CDH12: variants seen among roughly 807,000 people sequenced by gnomAD.
CDH12 encodes cadherin-12.
In CDH12, 41 loss-of-function variants were observed where a neutral mutation model predicts 74.1. The ratio of observed to expected loss-of-function variants is 0.55; its 90% CI spans 0.43 to 0.72. The LOEUF is 0.72. CDH12 is among the 30% of genes least tolerant of loss of function. The pLI, the probability that CDH12 is intolerant of heterozygous loss-of-function variation, is 0.00. For missense variants in CDH12, 945 were observed against 977.2 expected (o/e 0.97, Z 0.44); for synonymous variants, 399 against 355.0 (o/e 1.12, Z -1.39).
intron 4 of CDH12, among the ~76,000 whole-genome samples, chr5:22,177,165 T>C (rs971449839): frequency 1.3e-5 from 2 of 152,186 alleles, no homozygotes; most frequent in African/African-American, 4.8e-5. Context: ...CCTCAGTACT[T>C]AGCACGTTGC....
At chr5:22,150,846 T>C (rs1331406602) in intron 4 of CDH12, among the ~76,000 whole-genome samples, 6 of 152,158 alleles carry the variant, frequency 3.9e-5, no homozygotes, top group Non-Finnish European at 8.8e-5. Flanking sequence ...AGACCAGCTC[T>C]TAACAGGTCA....
chr5:22,397,412 G>A (rs1401791023), intron 3 of CDH12, among the ~76,000 whole-genome samples: 1 of 150,926 alleles, frequency 6.6e-6, no homozygotes, highest in African/African-American at 2.4e-5. Context: ...TTTAATTGGA[G>A]GTCATTGCAA....
chr5:22,100,197 TA>T (rs1193339019), intron 4 of CDH12, among the ~76,000 whole-genome samples: 1 of 152,130 alleles, frequency 6.6e-6, no homozygotes, highest in Non-Finnish European at 1.5e-5. Context: ...CTGTTTCAGA[TA>T]AAAAAATACT....
At chr5:22,462,779 G>T (rs1745573070) in intron 2 of CDH12, among the ~76,000 whole-genome samples, 1 of 152,156 alleles carries the variant, frequency 6.6e-6, no homozygotes, top group South Asian at 2.1e-4. Context: ...TCTAGTGAAA[G>T]TCAGAAAAAA....
At chr5:22,314,612 A>G (rs1324218960) in intron 3 of CDH12, among the ~76,000 whole-genome samples, 1 of 152,196 alleles carries the variant, frequency 6.6e-6, no homozygotes, top group Non-Finnish European at 1.5e-5. Flanking sequence ...GTGAATATAC[A>G]TGGTTTTAGA....
chr5:22,194,027 G>A (rs1445283025), intron 4 of CDH12, among the ~76,000 whole-genome samples: 2 of 152,138 alleles, frequency 1.3e-5, no homozygotes, highest in Non-Finnish European at 2.9e-5. Flanking sequence ...ATTTGGAAAT[G>A]AAAATGAGGC....
At chr5:22,535,873 G>A (rs2126711675) in intron 1 of CDH12, among the ~76,000 whole-genome samples, 1 of 152,250 alleles carries the variant, frequency 6.6e-6, no homozygotes, top group South Asian at 2.1e-4. Flanking sequence ...ACCAACCACA[G>A]ATGAAAAATA....
chr5:21,835,872 T>A (rs992734784), intron 8 of CDH12, among the ~76,000 whole-genome samples: 16 of 151,864 alleles, frequency 1.1e-4, no homozygotes, highest in African/African-American at 3.9e-4. Context: ...TGAATAAATG[T>A]ATAGTTATTG....
intron 10 of CDH12, among the ~76,000 whole-genome samples, chr5:21,786,864 G>A (rs1746225874): frequency 6.6e-6 from 1 of 152,110 alleles, no homozygotes; most frequent in Non-Finnish European, 1.5e-5. Context: ...AAGCCTCATG[G>A]ATGACTTTGA....
At chr5:22,503,777 T>A (rs1464307546) in intron 2 of CDH12, among the ~76,000 whole-genome samples, 1 of 152,066 alleles carries the variant, frequency 6.6e-6, no homozygotes, top group East Asian at 1.9e-4. Context: ...ATGAGTCTCT[T>A]CTCATTTATC....
intron 3 of CDH12, among the ~76,000 whole-genome samples, chr5:22,331,254 G>A (rs1021347677): frequency 2.0e-5 from 3 of 152,126 alleles, no homozygotes; most frequent in Admixed American, 1.3e-4. Flanking sequence ...AAAGGAAAGG[G>A]CCTTAGGCAA....
Position 22,349,849 on chromosome 5 carries a change from C to T in CDH12, c.-333+55408G>A, listed in dbSNP as rs190370740. On this transcript the variant is annotated intron_variant, in intron 3 of 14. Coordinates refer to ENST00000382254, the MANE Select transcript of CDH12 (RefSeq NM_004061.5). The stretch of plus-strand genomic sequence containing the variant: ...TCCCGGGTTCAGGCCATTCTCCTGC[C>T]TCAGCCTCCTGAGTAGCTGGGACTA... Among the ~76,000 whole-genome samples, 13 of 152,278 alleles carry T rather than the reference C, an allele frequency of 8.5e-5. 1 individual carries two copies. In the East Asian group the frequency reaches 2.5e-3, roughly 29 times the overall value.
intron 5 of CDH12, among the ~76,000 whole-genome samples, chr5:22,024,586 C>T (rs1738221593): frequency 6.6e-6 from 1 of 152,024 alleles, no homozygotes. Flanking sequence ...GATCTCAGTT[C>T]ACTGCAACCT....
At chr5:22,727,789 T>C (rs1744235461) in intron 1 of CDH12, among the ~76,000 whole-genome samples, 1 of 151,766 alleles carries the variant, frequency 6.6e-6, no homozygotes, top group African/African-American at 2.4e-5. Flanking sequence ...CTGGCTTCTA[T>C]TGTTTCTTTT....
intron 2 of CDH12, among the ~76,000 whole-genome samples, chr5:22,475,743 A>T (rs1746139106): frequency 6.6e-6 from 1 of 152,066 alleles, no homozygotes; most frequent in South Asian, 2.1e-4. Context: ...CTTTAAAAAC[A>T]TATATTATAG....
intron 5 of CDH12, among the ~76,000 whole-genome samples, chr5:22,023,640 T>C (rs1234145342): frequency 2.0e-5 from 3 of 152,014 alleles, no homozygotes; most frequent in Non-Finnish European, 4.4e-5. Flanking sequence ...ACTAAACACT[T>C]ATTACACAAG....
At chr5:21,939,985 C>T (rs1276159701) in intron 6 of CDH12, among the ~76,000 whole-genome samples, 2 of 152,090 alleles carry the variant, frequency 1.3e-5, no homozygotes, top group Non-Finnish European at 2.9e-5. Flanking sequence ...CTTTGGGAGG[C>T]CACAGTGAGT....
intron 1 of CDH12, among the ~76,000 whole-genome samples, chr5:22,841,947 C>T (rs892741453): frequency 6.6e-6 from 1 of 152,210 alleles, no homozygotes; most frequent in East Asian, 1.9e-4. Context: ...TCAGCTATAA[C>T]CACATGGTTC....
In CDH12 at chr5:22,847,018, A is replaced by G. The variant is rs138773916; in HGVS notation, c.-523+6040T>C. Among the ~76,000 whole-genome samples, 4 of 152,282 alleles carry G rather than the reference A, an allele frequency of 2.6e-5. No homozygotes were observed. In the East Asian group the frequency reaches 5.8e-4, roughly 22 times the overall value. ...ATTTGCCCTATGTGTTAGGTTATTGACACGACTACAATTCATTCCAATTCC... is the reference window on the plus strand; with the variant it reads ...ATTTGCCCTATGTGTTAGGTTATTGGCACGACTACAATTCATTCCAATTCC... On this transcript the variant is annotated intron_variant, in intron 1 of 14. Coordinates refer to ENST00000382254, the MANE Select transcript of CDH12 (RefSeq NM_004061.5).
Sources: allele counts gnomAD v4.1 joint callset (sites outside exome capture counted in the v4.1 genomes callset), GRCh38; gene constraint gnomAD v4.1.1; transcripts MANE v1.5; gene names NCBI Gene and HGNC (gene_info 2026-07-23, HGNC 2026-07-21).